Variants in ACSM1 observed in about 807,000 individuals in gnomAD.
The protein encoded by ACSM1 is acyl-CoA synthetase medium chain family member 1, also known as acyl-coenzyme A synthetase ACSM1, mitochondrial.
A neutral mutation model predicts 75.8 loss-of-function variants in ACSM1; 79 were observed. The observed-to-expected ratio is 1.04, with a 90% CI of 0.87 to 1.26. The LOEUF is 1.26. Among genes scored for constraint, ACSM1 ranks in the 50% most tolerant of loss-of-function variants. The pLI is 0.00. For missense variants in ACSM1, 676 were observed against 720.1 expected, an observed-to-expected ratio of 0.94 and a Z score of 0.70; for synonymous variants, 279 against 265.8, an observed-to-expected ratio of 1.05 and a Z score of -0.48.
intron 7 of ACSM1, among the ~76,000 whole-genome samples, chr16:20,653,895 A>G (rs231924): frequency 0.081 from 12,178 of 150,806 alleles, 637 homozygotes; most frequent in East Asian, 0.21. Context: ...ACAGAATTGG[A>G]AAAAACTACT....
rs2079545090 is a variant in ACSM1, at chr16:20,685,851, A to AAAAAAAT, written c.193-449_193-448insATTTTTT. On this transcript the variant is annotated intron_variant, in intron 2 of 13. Transcript: ENST00000520010. ...AAAAAACAAACAAAAAAAAAACAAA[A>AAAAAAAT]AACTTATAGCATCAGGAGAGGTTTA... is the stretch of plus-strand genomic sequence containing the variant. Among the ~76,000 whole-genome samples the AAAAAAAT allele has an allele frequency of 1.4e-5, 2 of 146,804 alleles. 1 individual carries two copies. Among genetic ancestry groups the AAAAAAAT allele is most frequent in the Non-Finnish European group, 3.0e-5 (2 of 66,460 alleles).
chr16:20,678,011 A>AAAATAAAT (rs146714630), intron 4 of ACSM1, among the ~76,000 whole-genome samples: 2,568 of 143,796 alleles, frequency 0.018, 43 homozygotes, highest in African/African-American at 0.036. Flanking sequence ...ACTAAAGGCT[A>AAAATAAAT]AAATAAATAA....
chr16:20,658,791 A>T (rs1170651169), intron 7 of ACSM1, among the ~76,000 whole-genome samples: 1 of 152,230 alleles, frequency 6.6e-6, no homozygotes, highest in African/African-American at 2.4e-5. Flanking sequence ...ATACCTATGG[A>T]GACAAATTGG....
At chr16:20,691,889 T>C (rs944204082) in intron 1 of ACSM1, among the ~76,000 whole-genome samples, 1 of 151,838 alleles carries the variant, frequency 6.6e-6, no homozygotes, top group African/African-American at 2.4e-5. Context: ...ATGATTCCTA[T>C]CATGTGGAGA....
intron 7 of ACSM1, among the ~76,000 whole-genome samples, chr16:20,651,554 G>A (rs559516958): frequency 4.6e-5 from 7 of 152,186 alleles, no homozygotes; most frequent in South Asian, 4.2e-4. Context: ...GCTTAAGCCC[G>A]GGAGACGGAG....
At chr16:20,635,495 G>A (rs2017612570) in intron 10 of ACSM1, among the ~76,000 whole-genome samples, 1 of 152,154 alleles carries the variant, frequency 6.6e-6, no homozygotes. Flanking sequence ...TGAAATGATT[G>A]TAATATGCAG....
intron 8 of ACSM1, among the ~76,000 whole-genome samples, chr16:20,637,849 T>C (rs2017817462): frequency 6.6e-6 from 1 of 152,226 alleles, no homozygotes; most frequent in Admixed American, 6.5e-5. Context: ...CTTGGGGCTG[T>C]TGAGCAGTGA....
chr16:20,639,099 T>C (rs551545095), intron 8 of ACSM1, among the ~76,000 whole-genome samples: 2 of 152,316 alleles, frequency 1.3e-5, no homozygotes, highest in South Asian at 4.1e-4. Context: ...TCATCCTTTA[T>C]GTGCTAGAGG....
chr16:20,674,727 AC>A (rs200206868), intron 4 of ACSM1: 4,377 of 152,196 alleles, frequency 0.029, 82 homozygotes, highest in South Asian at 0.088. Context: ...GGGGAGTTTC[AC>A]CCGGATGGAG....
intron 4 of ACSM1, chr16:20,680,150 C>T (rs2079409215): frequency 2.0e-5 from 3 of 152,166 alleles, no homozygotes. Flanking sequence ...GTTAACCAAA[C>T]CAAACTGTAA....
chr16:20,686,979 T>C (rs2079564817), intron 2 of ACSM1, among the ~76,000 whole-genome samples: 1 of 64,512 alleles, frequency 1.6e-5, no homozygotes, highest in African/African-American at 4.5e-5. Context: ...AATTTTGTGA[T>C]TTTTTTTTTT....
Position 20,636,728 on chromosome 16 carries a change from G to C in ACSM1, c.1299+11C>G. On this transcript the variant is annotated intron_variant, in intron 10 of 13. Coordinates refer to ENST00000520010, the MANE Select transcript of ACSM1 (RefSeq NM_001318890.3). ...TTGGGGCCAGGATGGGGGCAGATGG[G>C]GGGTCATTACCTCATAGCACATGAA... 3 of 1,608,164 alleles carry C rather than the reference G, an allele frequency of 1.9e-6. No individual in the cohort carries two copies. Among genetic ancestry groups the C allele is most frequent in the Non-Finnish European group, 2.6e-6 (3 of 1,174,676 alleles).
intron 4 of ACSM1, among the ~76,000 whole-genome samples, chr16:20,675,554 C>T (rs971322091): frequency 6.6e-6 from 1 of 152,212 alleles, no homozygotes; most frequent in East Asian, 1.9e-4. Flanking sequence ...AGCATGGAAA[C>T]CAACTCCTTT....
chr16:20,670,752 C>A (rs908998473), intron 5 of ACSM1, among the ~76,000 whole-genome samples: 3 of 152,150 alleles, frequency 2.0e-5, no homozygotes, highest in Admixed American at 2.0e-4. Context: ...ACATATTATT[C>A]CACCTGCACA....
chr16:20,693,572 T>C (rs533443480), intron 1 of ACSM1, among the ~76,000 whole-genome samples: 53 of 152,328 alleles, frequency 3.5e-4, no homozygotes, highest in African/African-American at 1.2e-3. Context: ...ACCCATATAA[T>C]AGACAATAGA....
At chr16:20,660,481 A>G (rs1026023051) in intron 7 of ACSM1, among the ~76,000 whole-genome samples, 2 of 152,172 alleles carry the variant, frequency 1.3e-5, no homozygotes, top group African/African-American at 4.8e-5. Flanking sequence ...AAGCTAAACC[A>G]AAGTACATAA....
rs140621053 is a variant in ACSM1, at chr16:20,671,305, T to A, written c.752+226A>T. 7.0e-3 allele frequency among the ~76,000 whole-genome samples: 1,060 copies of A among 152,144 alleles called. 18 individuals are homozygous for A. Among genetic ancestry groups the A allele is most frequent in the South Asian group, 0.045 (215 of 4,822 alleles). ...TGGTAAAACCTAAATGTGCCTCCTT[T>A]GTCACTCTCAGGCCTCTGTCAGCAA... On this transcript the variant is annotated intron_variant, in intron 5 of 13. Transcript: ENST00000520010.
At chr16:20,676,053 T>G (rs1446851914) in intron 4 of ACSM1, 1 of 152,170 alleles carries the variant, frequency 6.6e-6, no homozygotes, top group Non-Finnish European at 1.5e-5. Context: ...TACATTCCAA[T>G]CTACCTCCCT....
At chr16:20,636,869 C>T in intron 9 of ACSM1, 29 bp from the exon 10 acceptor site, 1 of 1,565,646 alleles carries the variant, frequency 6.4e-7, no homozygotes, top group Non-Finnish European at 8.8e-7. Flanking sequence ...GAATCATACA[C>T]TGCAGGAGGC....
Sources: gnomAD v4.1 joint callset for allele counts (sites outside exome capture counted in the v4.1 genomes callset) on GRCh38, gnomAD v4.1.1 for gene constraint, MANE v1.5 for transcripts, NCBI Gene and HGNC (gene_info 2026-07-23, HGNC 2026-07-21) for gene names.